Variants in LRBA observed in about 807,000 individuals in gnomAD.
LRBA encodes the protein LPS responsive beige-like anchor protein.
In LRBA, 176 loss-of-function variants were observed where a neutral mutation model predicts 330.0. The ratio of observed to expected loss-of-function variants is 0.53; its 90% CI spans 0.47 to 0.60. LRBA has a LOEUF of 0.60. LRBA is among the 20% of genes least tolerant of loss of function. The pLI, the probability that LRBA is intolerant of heterozygous loss-of-function variation, is 0.00. For synonymous variants in LRBA, 1,230 were observed against 1,193.0 expected (o/e 1.03, Z -0.64); for missense variants, 3,259 against 3,444.8 (o/e 0.95, Z 1.35).
At chr4:150,892,449 CTCTT>C (rs772983591) in intron 17 of LRBA, among the ~76,000 whole-genome samples, 17 of 152,300 alleles carry the variant, frequency 1.1e-4, no homozygotes, top group Non-Finnish European at 2.1e-4. Flanking sequence ...CACTCATGCT[CTCTT>C]TCTCTCTCTG....
At chr4:150,413,165 C>A (rs1363877577) in intron 47 of LRBA, among the ~76,000 whole-genome samples, 1 of 151,780 alleles carries the variant, frequency 6.6e-6, no homozygotes, top group Admixed American at 6.6e-5. Context: ...TAACAATGAC[C>A]TACCTACTAG....
In LRBA at chr4:150,906,312, T is replaced by C. The variant is rs1048140310; in HGVS notation, c.1587A>G (p.Gly529=). Residue 529 remains glycine, a synonymous_variant, in exon 12 of 57, where the codon GGA becomes GGG. Transcript: ENST00000651943. Reference sequence around the variant, plus strand: ...CATACTTTACCTTTTCAAGGCTATATCCTATTACCAAGAAGCCCTTACAGG... The same window carrying C: ...CATACTTTACCTTTTCAAGGCTATACCCTATTACCAAGAAGCCCTTACAGG... The part of the protein sequence containing the change: ...MLACKGFLVI[G]YSLEKSSKSH... The C allele has an allele frequency of 1.3e-6, 2 of 1,593,482 alleles. No homozygotes were observed. Among genetic ancestry groups the C allele is most frequent in the South Asian group, 1.1e-5 (1 of 90,218 alleles).
chr4:150,505,929 T>A (rs370173198), intron 40 of LRBA, among the ~76,000 whole-genome samples: 1 of 152,122 alleles, frequency 6.6e-6, no homozygotes, highest in South Asian at 2.1e-4. Flanking sequence ...CAAACTACCA[T>A]CAGAGAATAC....
intron 2 of LRBA, among the ~76,000 whole-genome samples, chr4:150,951,043 T>C (rs935531358): frequency 1.3e-5 from 2 of 152,220 alleles, no homozygotes; most frequent in African/African-American, 4.8e-5. Context: ...CCCTGCCATG[T>C]GGACAGAGGA....
At chr4:150,967,374 C>T (rs1225278127) in intron 2 of LRBA, among the ~76,000 whole-genome samples, 1 of 152,188 alleles carries the variant, frequency 6.6e-6, no homozygotes, top group African/African-American at 2.4e-5. Flanking sequence ...TTTATTATAT[C>T]CAGAAGGAGT....
chr4:150,430,186 G>T (rs1297667288), intron 46 of LRBA, among the ~76,000 whole-genome samples: 1 of 151,816 alleles, frequency 6.6e-6, no homozygotes, highest in African/African-American at 2.4e-5. Flanking sequence ...CATTTCTCTA[G>T]CCCCACTGGC....
chr4:150,315,541 G>A lies in LRBA; in HGVS notation c.7693+20C>T, dbSNP rs373401285. 4.0e-5 allele frequency: 64 copies of A among 1,605,946 alleles called. No individual in the cohort carries two copies. The highest frequency in any genetic ancestry group is 3.2e-4 in the African/African-American group (24 of 74,608). On this transcript the variant is annotated intron_variant, in intron 51 of 56. Transcript: ENST00000651943. ...CATACAGAGCTTAATGAATCGCAAAGAGAGAAGGAAGTGACAGACCTATGA... is the reference window on the plus strand; with the variant it reads ...CATACAGAGCTTAATGAATCGCAAAAAGAGAAGGAAGTGACAGACCTATGA...
chr4:151,002,483 T>C (rs1244303340), intron 2 of LRBA, among the ~76,000 whole-genome samples: 1 of 150,740 alleles, frequency 6.6e-6, no homozygotes, highest in Non-Finnish European at 1.5e-5. Context: ...GAGAATCACT[T>C]GAACTCAGGA....
At chr4:150,273,336 G>A (rs569762849) in intron 56 of LRBA, among the ~76,000 whole-genome samples, 6 of 152,216 alleles carry the variant, frequency 3.9e-5, no homozygotes, top group East Asian at 1.9e-4. Context: ...AGGAACAACC[G>A]GTACCAGCCA....
chr4:150,406,537 G>A (rs1318014476), intron 47 of LRBA, among the ~76,000 whole-genome samples: 1 of 152,148 alleles, frequency 6.6e-6, no homozygotes, highest in Admixed American at 6.5e-5. Flanking sequence ...TACCATAAGA[G>A]AACTGACGTG....
chr4:150,372,647 G>C (rs1004210135), intron 47 of LRBA, among the ~76,000 whole-genome samples: 1 of 148,342 alleles, frequency 6.7e-6, no homozygotes, highest in African/African-American at 2.5e-5. Flanking sequence ...TGAAATCTTG[G>C]GCAATACTTA....
chr4:150,454,032 C>T (rs1287487268), intron 44 of LRBA, among the ~76,000 whole-genome samples: 1 of 152,140 alleles, frequency 6.6e-6, no homozygotes, highest in African/African-American at 2.4e-5. Flanking sequence ...ACGATCTCCA[C>T]TCACTGCAAC....
intron 44 of LRBA, among the ~76,000 whole-genome samples, chr4:150,443,374 T>C (rs1752082823): frequency 6.6e-6 from 1 of 152,136 alleles, no homozygotes; most frequent in Non-Finnish European, 1.5e-5. Context: ...ATATAAATCA[T>C]GCTGCTATAA....
At chr4:150,425,991 CAAA>C (rs897764025) in intron 46 of LRBA, among the ~76,000 whole-genome samples, 1 of 151,598 alleles carries the variant, frequency 6.6e-6, no homozygotes, top group African/African-American at 2.4e-5. Flanking sequence ...TCTTAATTAA[CAAA>C]AAAGAGCTGA....
At chr4:150,275,048 A>G (rs183233863) in intron 56 of LRBA, among the ~76,000 whole-genome samples, 29 of 152,288 alleles carry the variant, frequency 1.9e-4, no homozygotes, top group African/African-American at 6.3e-4. Flanking sequence ...CTGGCAAACC[A>G]AATCCAGGAG....
chr4:150,654,101 T>C (rs1000142886), intron 37 of LRBA, among the ~76,000 whole-genome samples: 12 of 152,140 alleles, frequency 7.9e-5, no homozygotes, highest in Admixed American at 2.6e-4. Flanking sequence ...AATTCAGCCA[T>C]TGATTTAAAA....
intron 28 of LRBA, 103 bp from the exon 29 acceptor site, chr4:150,832,079 A>G (rs1747286871): frequency 1.6e-6 from 1 of 615,678 alleles, no homozygotes; most frequent in South Asian, 4.9e-5. Flanking sequence ...AAATCTTTCA[A>G]TATACACAGA....
chr4:150,562,075 T>C (rs1389837753), intron 40 of LRBA, among the ~76,000 whole-genome samples: 2 of 145,946 alleles, frequency 1.4e-5, no homozygotes, highest in Non-Finnish European at 3.0e-5. Context: ...CTATTCTCTT[T>C]CCCCCTTAGC....
intron 36 of LRBA, among the ~76,000 whole-genome samples, chr4:150,715,438 AAAT>A (rs1386137886): frequency 6.6e-6 from 1 of 152,214 alleles, no homozygotes; most frequent in African/African-American, 2.4e-5. Flanking sequence ...GTAATAAATA[AAAT>A]AATAAAAACA....
Sources: gnomAD v4.1 joint callset for allele counts (sites outside exome capture counted in the v4.1 genomes callset) on GRCh38, gnomAD v4.1.1 for gene constraint, MANE v1.5 for transcripts, NCBI Gene and HGNC (gene_info 2026-07-23, HGNC 2026-07-21) for gene names.